Variants in ADK observed in about 807,000 individuals in gnomAD.
ADK encodes N6,N6-dimethyladenosine kinase.
ADK carries 24 observed loss-of-function variants against 44.7 expected under a neutral mutation model. The observed-to-expected ratio is 0.54, with a 90% CI of 0.39 to 0.76. The LOEUF (loss-of-function observed/expected upper bound fraction) is 0.76, where lower values mean the gene tolerates loss of function less well. ADK is among the 30% of genes least tolerant of loss of function. ADK has a pLI of 0.00. For missense variants in ADK, 321 were observed against 425.1 expected, an observed-to-expected ratio of 0.76 and a Z score of 2.15; for synonymous variants, 128 against 142.6, an observed-to-expected ratio of 0.90 and a Z score of 0.73.
intron 7 of ADK, among the ~76,000 whole-genome samples, chr10:74,567,006 C>T (rs1333486012): frequency 1.3e-5 from 2 of 152,116 alleles, no homozygotes; most frequent in Non-Finnish European, 2.9e-5. Flanking sequence ...TTAGAAAAGA[C>T]TTTAGAAAGT....
chr10:74,250,657 G>C (rs952688954), intron 3 of ADK, among the ~76,000 whole-genome samples: 30 of 152,118 alleles, frequency 2.0e-4, no homozygotes, highest in African/African-American at 5.3e-4. Context: ...TGGAAAGGCA[G>C]GTATACCAGT....
chr10:74,578,441 A>AT (rs1157380797), intron 7 of ADK, among the ~76,000 whole-genome samples: 5 of 151,834 alleles, frequency 3.3e-5, no homozygotes, highest in South Asian at 2.1e-4. Flanking sequence ...CCTAGCAAAC[A>AT]TTTTTTTTAA....
chr10:74,663,055 A>T (rs1242173370), intron 9 of ADK, among the ~76,000 whole-genome samples: 2 of 151,834 alleles, frequency 1.3e-5, no homozygotes, highest in African/African-American at 4.8e-5. Context: ...GGCCGACATG[A>T]TGAAACCCTA....
intron 9 of ADK, chr10:74,641,780 A>G (rs909988380): frequency 3.3e-5 from 5 of 152,202 alleles, no homozygotes; most frequent in African/African-American, 1.2e-4. Flanking sequence ...TTATTGGCCT[A>G]TCCCACTAGC....
At chr10:74,213,311 T>G (rs962970243) in intron 2 of ADK, among the ~76,000 whole-genome samples, 1 of 152,172 alleles carries the variant, frequency 6.6e-6, no homozygotes, top group African/African-American at 2.4e-5. Flanking sequence ...TGGGTCTCAC[T>G]ATGTTGCCCA....
chr10:74,296,541 G>C (rs1202113838), intron 3 of ADK, among the ~76,000 whole-genome samples: 4 of 151,904 alleles, frequency 2.6e-5, no homozygotes, highest in Non-Finnish European at 5.9e-5. Context: ...CTATCATAAG[G>C]ATATAAATTG....
chr10:74,340,652 C>T (rs538694949), intron 4 of ADK, among the ~76,000 whole-genome samples: 2 of 152,130 alleles, frequency 1.3e-5, no homozygotes, highest in South Asian at 4.1e-4. Context: ...CAAGAAATAA[C>T]ATAAATAGAA....
chr10:74,558,926 T>A (rs528402472), intron 7 of ADK, among the ~76,000 whole-genome samples: 1 of 152,354 alleles, frequency 6.6e-6, no homozygotes, highest in Admixed American at 6.5e-5. Flanking sequence ...TCAGGAAGAC[T>A]TAGGACTAAC....
chr10:74,692,635 G>T (rs187702143), intron 10 of ADK, among the ~76,000 whole-genome samples: 22 of 152,266 alleles, frequency 1.4e-4, no homozygotes, highest in African/African-American at 5.3e-4. Context: ...TAACATTTTG[G>T]TCATTGACAG....
chr10:74,568,768 T>A (rs939286477), intron 7 of ADK, among the ~76,000 whole-genome samples: 1 of 152,142 alleles, frequency 6.6e-6, no homozygotes, highest in African/African-American at 2.4e-5. Context: ...TTTGTACTTT[T>A]TATATTTTTA....
At chr10:74,473,949 G>A (rs73272203) in intron 6 of ADK, among the ~76,000 whole-genome samples, 7,981 of 152,096 alleles carry the variant, frequency 0.052, 638 homozygotes, top group African/African-American at 0.17. Context: ...AAATATTCTA[G>A]TTTTTTAAAG....
At chr10:74,216,648 C>G (rs1216221251) in intron 2 of ADK, among the ~76,000 whole-genome samples, 1 of 151,232 alleles carries the variant, frequency 6.6e-6, no homozygotes, top group Admixed American at 6.6e-5. Flanking sequence ...TTGCTTGAAC[C>G]CAGCAGGCAG....
At chr10:74,393,270 A>G (rs1843399242) in intron 4 of ADK, among the ~76,000 whole-genome samples, 1 of 152,140 alleles carries the variant, frequency 6.6e-6, no homozygotes, top group Admixed American at 6.5e-5. Context: ...GCTACCTGTA[A>G]GTCTTTGAAA....
At chr10:74,384,621 A>G (rs1346367641) in intron 4 of ADK, among the ~76,000 whole-genome samples, 2 of 152,194 alleles carry the variant, frequency 1.3e-5, no homozygotes, top group African/African-American at 2.4e-5. Flanking sequence ...CGGTGAGTCA[A>G]GATCGCACCA....
chr10:74,228,906 T>C (rs1844646649), intron 3 of ADK, among the ~76,000 whole-genome samples: 1 of 152,128 alleles, frequency 6.6e-6, no homozygotes, highest in Admixed American at 6.5e-5. Flanking sequence ...TTTTGTTTGC[T>C]ATAAGGCAAG....
chr10:74,696,065 G>A (rs1188109686), intron 10 of ADK, among the ~76,000 whole-genome samples: 4 of 151,978 alleles, frequency 2.6e-5, no homozygotes, highest in Non-Finnish European at 5.9e-5. Context: ...CTGTTACCCA[G>A]GCTGGAATAC....
chr10:74,270,672 A>G (rs1469196051), intron 3 of ADK, among the ~76,000 whole-genome samples: 5 of 152,238 alleles, frequency 3.3e-5, no homozygotes, highest in Non-Finnish European at 7.3e-5. Flanking sequence ...ACGTAAGTAC[A>G]GTAGGAGACA....
intron 4 of ADK, among the ~76,000 whole-genome samples, chr10:74,334,222 C>T (rs1841332822): frequency 6.6e-6 from 1 of 152,210 alleles, no homozygotes; most frequent in Admixed American, 6.5e-5. Context: ...AGACAGTTCT[C>T]CTCACTTGTT....
intron 7 of ADK, among the ~76,000 whole-genome samples, chr10:74,558,497 A>AAGTGTGTGGCAGTT (rs1291776121): frequency 1.1e-4 from 17 of 152,088 alleles, no homozygotes; most frequent in African/African-American, 3.9e-4. Flanking sequence ...GATAGTTTAA[A>AAGTGTGTGGCAGTT]AGTGTGTGGC....
Sources: gnomAD v4.1 joint callset for allele counts (sites outside exome capture counted in the v4.1 genomes callset) on GRCh38, gnomAD v4.1.1 for gene constraint, MANE v1.5 for transcripts, NCBI Gene and HGNC (gene_info 2026-07-23, HGNC 2026-07-21) for gene names.